GLI2: variants seen among roughly 807,000 people sequenced by gnomAD.
The protein encoded by GLI2 is transcription activator GLI2.
Under a neutral mutation model 78.9 loss-of-function variants are expected in GLI2, and 22 were observed. The observed-to-expected ratio is 0.28, with a 90% confidence interval of 0.20 to 0.40. The LOEUF (loss-of-function observed/expected upper bound fraction) is 0.40, where lower values mean the gene tolerates loss of function less well. Among genes scored for constraint, GLI2 ranks in the 10% least tolerant of loss-of-function variants. GLI2 has a pLI of 1.00. For synonymous variants in GLI2, 974 were observed against 963.7 expected (o/e 1.01, Z -0.20); for missense variants, 2,097 against 2,213.2 (o/e 0.95, Z 1.05).
chr2:120,927,759 TG>T (rs2104871464), intron 3 of GLI2, among the ~76,000 whole-genome samples: 1 of 152,352 alleles, frequency 6.6e-6, no homozygotes, highest in East Asian at 1.9e-4. Context: ...ATCCATGAAG[TG>T]GGAATCCTCT....
chr2:120,755,697 T>C, intron 1 of GLI2, among the ~76,000 whole-genome samples: 1 of 151,988 alleles, frequency 6.6e-6, no homozygotes, highest in Non-Finnish European at 1.5e-5. Context: ...ATGTTTTCTT[T>C]TAAGAAGTAT....
chr2:120,935,571 C>T (rs1398882195), intron 3 of GLI2, among the ~76,000 whole-genome samples: 1 of 152,190 alleles, frequency 6.6e-6, no homozygotes, highest in Admixed American at 6.5e-5. Flanking sequence ...TCATGTCACC[C>T]TCCCTGCAAG....
At chr2:120,908,901 G>A (rs2104806335) in intron 2 of GLI2, among the ~76,000 whole-genome samples, 1 of 152,310 alleles carries the variant, frequency 6.6e-6, no homozygotes, top group East Asian at 1.9e-4. Flanking sequence ...GTCTACAGGA[G>A]TCAGATGCAG....
At chr2:120,909,945 G>A (rs901955017) in intron 2 of GLI2, among the ~76,000 whole-genome samples, 3 of 152,198 alleles carry the variant, frequency 2.0e-5, no homozygotes, top group African/African-American at 7.2e-5. Context: ...CCCTTCGTAG[G>A]CCTTCCTACA....
At chr2:120,963,757 C>T (rs1681704976) in intron 5 of GLI2, among the ~76,000 whole-genome samples, 1 of 152,262 alleles carries the variant, frequency 6.6e-6, no homozygotes, top group South Asian at 2.1e-4. Flanking sequence ...TTTTGGTGTC[C>T]CTGTACCTTG....
chr2:120,739,432 A>G lies in GLI2; in HGVS notation c.-31+3147A>G, dbSNP rs953824273. Among the ~76,000 whole-genome samples, 4 of 152,268 alleles carry G rather than the reference A, an allele frequency of 2.6e-5. No homozygotes were observed. The South Asian group carries it at 6.2e-4, about 24-fold the overall frequency. ...TTAAAGCCTAGAATCGGAGTCCTACATCCTTGTGTACTCTTTGGGTAGGGC... is the reference window on the plus strand; with the variant it reads ...TTAAAGCCTAGAATCGGAGTCCTACGTCCTTGTGTACTCTTTGGGTAGGGC... On this transcript the variant is annotated intron_variant, in intron 1 of 13. Transcript: ENST00000361492.
In GLI2 at chr2:120,990,681, C is replaced by G. The variant is rs761025643; in HGVS notation, c.*6C>G. The G allele has an allele frequency of 6.2e-7, 1 of 1,609,666 alleles. No individual in the cohort carries two copies. ...TCCTGAACATGATGACCTAGAGGCC[C>G]GAGCGCCTGGTGCTGAGTGCACCCG... is the stretch of plus-strand genomic sequence containing the variant. On this transcript the variant is annotated 3_prime_UTR_variant, in exon 14 of 14. Coordinates refer to ENST00000361492, the MANE Select transcript of GLI2 (RefSeq NM_001374353.1).
intron 3 of GLI2, 87 bp from the exon 4 acceptor site, chr2:120,951,156 G>T (rs536400122): frequency 3.7e-6 from 3 of 805,460 alleles, no homozygotes; most frequent in African/African-American, 3.4e-5. Flanking sequence ...TTCCAGGAGA[G>T]ACAAGGACTG....
rs116018399 is a variant in GLI2, at chr2:120,854,178, G to A, written c.148+56710G>A. Reference sequence around the variant, plus strand: ...AAAAGGGCAGCCCAAGGGCAGGGCCGGGAGTCAAGGAGAGCTTCCTGGAGG... The same window carrying A: ...AAAAGGGCAGCCCAAGGGCAGGGCCAGGAGTCAAGGAGAGCTTCCTGGAGG... On this transcript the variant is annotated intron_variant, in intron 2 of 13. Coordinates refer to ENST00000361492, the MANE Select transcript of GLI2 (RefSeq NM_001374353.1). Among the ~76,000 whole-genome samples the A allele has an allele frequency of 5.0e-3, 766 of 152,294 alleles. 10 individuals are homozygous for A. The highest frequency in any genetic ancestry group is 0.025 in the Admixed American group (384 of 15,298).
intron 3 of GLI2, among the ~76,000 whole-genome samples, chr2:120,937,144 C>CT (rs1680237672): frequency 6.6e-6 from 1 of 152,192 alleles, no homozygotes; most frequent in Non-Finnish European, 1.5e-5. Flanking sequence ...GGGGAATGTT[C>CT]TTAATGCTCG....
At chr2:120,780,520 C>T (rs1683812925) in intron 1 of GLI2, among the ~76,000 whole-genome samples, 2 of 152,278 alleles carry the variant, frequency 1.3e-5, no homozygotes, top group Non-Finnish European at 2.9e-5. Flanking sequence ...TGGGGTGTGT[C>T]GTTTGCTCCC....
Position 120,989,726 on chromosome 2 carries a change from G to T in GLI2, c.3761G>T (p.Ser1254Ile). The change falls in exon 14 of 14, where the codon AGC (serine) becomes ATC (isoleucine). Residue 1254 changes from serine to isoleucine, a missense_variant. Physicochemically the swap from Ser to Ile is moderately radical, Grantham distance 142. Coordinates refer to ENST00000361492, the MANE Select transcript of GLI2 (RefSeq NM_001374353.1). ...CTCAACCAGTTCCCCCAATCCTGCA[G>T]CAACATGCCAGCCAAGCCAGGGCAT... Reference protein sequence around the residue: ...GALNQFPQSCSNMPAKPGHLG... With the variant: ...GALNQFPQSCINMPAKPGHLG... The T allele has an allele frequency of 6.2e-7, 1 of 1,613,102 alleles. No homozygotes were observed. The highest frequency in any genetic ancestry group is 1.3e-5 in the African/African-American group (1 of 75,064).
chr2:120,758,160 C>T (rs1285902276), intron 1 of GLI2, among the ~76,000 whole-genome samples: 1 of 152,188 alleles, frequency 6.6e-6, no homozygotes, highest in Non-Finnish European at 1.5e-5. Context: ...AGGGACATCT[C>T]ACCACTTATC....
chr2:120,956,321 G>A (rs1185612994), intron 5 of GLI2, among the ~76,000 whole-genome samples: 3 of 152,104 alleles, frequency 2.0e-5, no homozygotes. Flanking sequence ...TATAGGTGGG[G>A]CCCTCATGGA....
At chr2:120,856,137 G>A (rs1281776075) in intron 2 of GLI2, among the ~76,000 whole-genome samples, 1 of 152,178 alleles carries the variant, frequency 6.6e-6, no homozygotes, top group African/African-American at 2.4e-5. Flanking sequence ...TGACTCCTCA[G>A]CCTGAGTTCT....
In GLI2 at chr2:120,800,129, G is replaced by A. The variant is rs79285340; in HGVS notation, c.148+2661G>A. ...GCCATCAGGCACAGGGCTGGGTGTG[G>A]ACAGTGGGTGAGGAGGGGCCGTGAG... is the stretch of plus-strand genomic sequence containing the variant. On this transcript the variant is annotated intron_variant, in intron 2 of 13. Coordinates refer to ENST00000361492, the MANE Select transcript of GLI2 (RefSeq NM_001374353.1). The surrounding 1 kb of genome is among the most constrained non-coding windows in gnomAD (Gnocchi z 4.1). Among the ~76,000 whole-genome samples, 12 of 152,316 alleles carry A rather than the reference G, an allele frequency of 7.9e-5. 3 individuals are homozygous for A. Among genetic ancestry groups the A allele is most frequent in the African/African-American group, 2.9e-4 (12 of 41,560 alleles).
rs898856191 is a variant in GLI2, at chr2:120,737,313, T to G, written c.-31+1028T>G. Among the ~76,000 whole-genome samples the G allele has an allele frequency of 1.8e-4, 27 of 151,764 alleles. No homozygotes were observed. The highest frequency in any genetic ancestry group is 6.3e-4 in the African/African-American group (26 of 41,310). On this transcript the variant is annotated intron_variant, in intron 1 of 13. Coordinates refer to ENST00000361492, the MANE Select transcript of GLI2 (RefSeq NM_001374353.1). The surrounding 1 kb of genome is among the most constrained non-coding windows in gnomAD (Gnocchi z 4.3). ...TCAGCCCGGCGGTAACTGCTGTCATTTCCTAGGAAACCCGACTTTTACCGC... is the reference window on the plus strand; with the variant it reads ...TCAGCCCGGCGGTAACTGCTGTCATGTCCTAGGAAACCCGACTTTTACCGC...
intron 2 of GLI2, among the ~76,000 whole-genome samples, chr2:120,797,678 G>A (rs1309267990): frequency 6.6e-5 from 10 of 152,082 alleles, no homozygotes; most frequent in Admixed American, 5.9e-4. Flanking sequence ...AGTCCAGGGG[G>A]CTGAGCTGCC....
intron 1 of GLI2, among the ~76,000 whole-genome samples, chr2:120,775,747 T>C (rs895662444): frequency 6.6e-6 from 1 of 152,078 alleles, no homozygotes. Flanking sequence ...GTTTGGAACA[T>C]GAGGGTGGGC....
Sources: allele counts gnomAD v4.1 joint callset (sites outside exome capture counted in the v4.1 genomes callset), GRCh38; gene constraint gnomAD v4.1.1; non-coding constraint Gnocchi (gnomAD v3.1); transcripts MANE v1.5; gene names NCBI Gene and HGNC (gene_info 2026-07-23, HGNC 2026-07-21).